The following EML6 variants were observed in gnomAD, a reference collection of about 807,000 sequenced individuals.
The protein encoded by EML6 is echinoderm microtubule-associated protein-like 6.
Under a neutral mutation model 240.1 loss-of-function variants are expected in EML6, and 154 were observed. The observed-to-expected ratio is 0.64, with a 90% CI of 0.56 to 0.73. The LOEUF (loss-of-function observed/expected upper bound fraction) is 0.73. EML6 is among the 30% of genes least tolerant of loss of function. The pLI, the probability that EML6 is intolerant of heterozygous loss-of-function variation, is 0.00. For synonymous variants in EML6, 1,148 were observed against 899.0 expected, an observed-to-expected ratio of 1.28 and a Z score of -4.95; for missense variants, 2,964 against 2,474.6, an observed-to-expected ratio of 1.20 and a Z score of -4.20.
chr2:54,764,839 T>C (rs1267756043), intron 2 of EML6, among the ~76,000 whole-genome samples: 1 of 152,202 alleles, frequency 6.6e-6, no homozygotes, highest in Non-Finnish European at 1.5e-5. Flanking sequence ...AGATTCCTAT[T>C]TAACCTCTTC....
At chr2:54,879,490 T>A in intron 16 of EML6, 57 bp from the exon 17 acceptor site, 1 of 1,104,654 alleles carries the variant, frequency 9.1e-7, no homozygotes, top group South Asian at 1.4e-5. Context: ...TTACAGTGTA[T>A]GAAATGTTTT....
At chr2:54,806,528 G>A (rs572378361) in intron 2 of EML6, among the ~76,000 whole-genome samples, 157 of 144,108 alleles carry the variant, frequency 1.1e-3, no homozygotes, top group Middle Eastern at 3.8e-3. Context: ...CAGGAGAATC[G>A]CTTGAACCTG....
At chr2:54,754,569 T>C (rs1684318455) in intron 2 of EML6, among the ~76,000 whole-genome samples, 1 of 152,196 alleles carries the variant, frequency 6.6e-6, no homozygotes, top group Non-Finnish European at 1.5e-5. Context: ...GAGTTATTTA[T>C]ATATACTGGA....
chr2:54,788,313 T>C (rs1017256453), intron 2 of EML6, among the ~76,000 whole-genome samples: 1 of 152,160 alleles, frequency 6.6e-6, no homozygotes, highest in Non-Finnish European at 1.5e-5. Context: ...TTCATGTGTT[T>C]TGTTGTGCCG....
chr2:54,958,343 C>T (rs1373434192), intron 33 of EML6, among the ~76,000 whole-genome samples: 2 of 152,034 alleles, frequency 1.3e-5, no homozygotes, highest in South Asian at 2.1e-4. Flanking sequence ...AGGCACCTGC[C>T]ACCACGCCTG....
In EML6 at chr2:54,843,966, G is replaced by GTGTGTGTGTC. The variant is rs764275037; in HGVS notation, c.848-72_848-71insCTGTGTGTGT. ...TAAAGGGCATTTACTTTAGGGTTTTGTGTGTGTGTGTGTGTGTGTGTGTGT... is the reference window on the plus strand; with the variant it reads ...TAAAGGGCATTTACTTTAGGGTTTTGTGTGTGTGTCTGTGTGTGTGTGTGTGTGTGTGTGT... On this transcript the variant is annotated intron_variant, in intron 7 of 41. Transcript: ENST00000356458. The GTGTGTGTGTC allele has an allele frequency of 1.0e-3, 316 of 309,136 alleles. 1 individual carries two copies. Among genetic ancestry groups the GTGTGTGTGTC allele is most frequent in the Non-Finnish European group, 1.8e-3 (277 of 155,148 alleles). The allele number at this position is 309,136 out of a possible 1,614,324, so 19.1% of individuals were successfully genotyped here. A position where few individuals can be genotyped will look rare whatever the true frequency, so the allele number is the denominator to read the frequency against.
At chr2:54,921,870 C>T (rs576886879) in intron 26 of EML6, among the ~76,000 whole-genome samples, 1 of 152,160 alleles carries the variant, frequency 6.6e-6, no homozygotes, top group East Asian at 1.9e-4. Flanking sequence ...AACTGGATAT[C>T]TACATTCAAA....
At chr2:54,829,500 C>T (rs765227308) in intron 7 of EML6, 23 bp downstream of exon 7, 154 of 1,526,836 alleles carry the variant, frequency 1.0e-4, no homozygotes, top group Middle Eastern at 1.7e-4. Context: ...TTAAGCTTAC[C>T]TGTAACTCTG....
At chr2:54,925,419 C>A (rs1674489386) in intron 26 of EML6, among the ~76,000 whole-genome samples, 1 of 152,196 alleles carries the variant, frequency 6.6e-6, no homozygotes, top group Non-Finnish European at 1.5e-5. Flanking sequence ...GCATTGAGTT[C>A]TATGTCATCA....
intron 5 of EML6, among the ~76,000 whole-genome samples, chr2:54,820,969 T>C (rs575991268): frequency 2.1e-4 from 32 of 152,184 alleles, no homozygotes; most frequent in Non-Finnish European, 4.6e-4. Context: ...CACTCTCATC[T>C]GGGTAGACCT....
intron 6 of EML6, among the ~76,000 whole-genome samples, chr2:54,828,115 A>G (rs1668686137): frequency 6.6e-6 from 1 of 152,212 alleles, no homozygotes; most frequent in South Asian, 2.1e-4. Flanking sequence ...GTCTGCGATG[A>G]AGTCGCCACA....
chr2:54,837,552 A>G (rs529224703), intron 7 of EML6, among the ~76,000 whole-genome samples: 3 of 152,308 alleles, frequency 2.0e-5, no homozygotes, highest in Non-Finnish European at 4.4e-5. Context: ...GACTTCTCAC[A>G]GGTGCTACTG....
At chr2:54,795,540 G>C (rs1050031324) in intron 2 of EML6, among the ~76,000 whole-genome samples, 2 of 152,144 alleles carry the variant, frequency 1.3e-5, no homozygotes, top group African/African-American at 4.8e-5. Flanking sequence ...GGAAGGAGGA[G>C]GATAGGGACC....
At chr2:54,762,375 T>C (rs1668016870) in intron 2 of EML6, among the ~76,000 whole-genome samples, 1 of 152,212 alleles carries the variant, frequency 6.6e-6, no homozygotes, top group East Asian at 1.9e-4. Flanking sequence ...ATGTTCAATC[T>C]GATCATGGTA....
chr2:54,895,652 T>C (rs1331936374), intron 21 of EML6, among the ~76,000 whole-genome samples: 2 of 152,250 alleles, frequency 1.3e-5, no homozygotes, highest in Admixed American at 6.5e-5. Flanking sequence ...CTGCTTAGTG[T>C]TTTATAAGGT....
intron 29 of EML6, 58 bp from the exon 30 acceptor site, chr2:54,950,592 T>A: frequency 6.5e-7 from 1 of 1,541,682 alleles, no homozygotes; most frequent in Non-Finnish European, 8.8e-7. Flanking sequence ...GTGGGTGTGT[T>A]CCTCGGCTCT....
intron 2 of EML6, among the ~76,000 whole-genome samples, chr2:54,811,790 T>C (rs1667861059): frequency 6.6e-6 from 1 of 152,206 alleles, no homozygotes; most frequent in Admixed American, 6.5e-5. Flanking sequence ...CAGGTGTGTC[T>C]CAACAAAATT....
intron 2 of EML6, among the ~76,000 whole-genome samples, chr2:54,793,299 G>A (rs1669561190): frequency 6.6e-6 from 1 of 151,528 alleles, no homozygotes; most frequent in Non-Finnish European, 1.5e-5. Flanking sequence ...CGTTTGCAGG[G>A]CAGTAGAGGG....
At chr2:54,969,972 C>T (rs184407186) in intron 41 of EML6, 99 bp from the exon 42 acceptor site, 18 of 1,274,890 alleles carry the variant, frequency 1.4e-5, no homozygotes, top group African/African-American at 1.2e-4. Flanking sequence ...ATACATCACC[C>T]GAGCTTGACT....
Sources: allele counts gnomAD v4.1 joint callset (sites outside exome capture counted in the v4.1 genomes callset), GRCh38; gene constraint gnomAD v4.1.1; transcripts MANE v1.5; gene names NCBI Gene and HGNC (gene_info 2026-07-23, HGNC 2026-07-21).